The following OPCML variants were observed in gnomAD, a reference collection of about 807,000 sequenced individuals.
OPCML encodes opioid-binding protein/cell adhesion molecule.
A neutral mutation model predicts 37.8 loss-of-function variants in OPCML; 13 were observed. That is an observed-to-expected ratio of 0.34 (90% CI 0.22 to 0.55). The LOEUF (loss-of-function observed/expected upper bound fraction) is 0.55, where lower values mean the gene tolerates loss of function less well. Among genes scored for constraint, OPCML ranks in the 20% least tolerant of loss-of-function variants. OPCML has a pLI of 0.91. For synonymous variants in OPCML, 176 were observed against 168.8 expected (o/e 1.04, Z -0.33); for missense variants, 341 against 435.6 (o/e 0.78, Z 1.93).
chr11:132,928,821 C>G (rs918710334), intron 2 of OPCML, among the ~76,000 whole-genome samples: 2 of 151,730 alleles, frequency 1.3e-5, no homozygotes, highest in African/African-American at 4.8e-5. Flanking sequence ...ATAAGGAAAA[C>G]TGGAAAATCT....
At chr11:132,907,368 C>A (rs1944279418) in intron 2 of OPCML, among the ~76,000 whole-genome samples, 2 of 152,160 alleles carry the variant, frequency 1.3e-5, no homozygotes, top group African/African-American at 4.8e-5. Context: ...GAAATTGGCT[C>A]ATGCCTGTAA....
intron 1 of OPCML, among the ~76,000 whole-genome samples, chr11:133,348,841 C>T (rs990259976): frequency 3.9e-5 from 6 of 152,126 alleles, no homozygotes; most frequent in African/African-American, 1.4e-4. Flanking sequence ...AAGCCCCTAC[C>T]ATGAGCAGTA....
chr11:132,504,799 T>C (rs1447630310), intron 4 of OPCML, among the ~76,000 whole-genome samples: 3 of 152,080 alleles, frequency 2.0e-5, no homozygotes, highest in Non-Finnish European at 2.9e-5. Flanking sequence ...CTGTATGCTA[T>C]GGTCATGCAG....
chr11:132,672,084 G>T (rs1255685352), intron 2 of OPCML, among the ~76,000 whole-genome samples: 1 of 152,004 alleles, frequency 6.6e-6, no homozygotes, highest in East Asian at 1.9e-4. Flanking sequence ...CTTATAACTT[G>T]ACCTCACATT....
At chr11:132,646,883 T>G (rs895572765) in intron 3 of OPCML, among the ~76,000 whole-genome samples, 1 of 152,032 alleles carries the variant, frequency 6.6e-6, no homozygotes, top group African/African-American at 2.4e-5. Flanking sequence ...AAACTGGAAA[T>G]TTAGATTTAG....
chr11:132,596,106 A>G (rs2096492032), intron 3 of OPCML, among the ~76,000 whole-genome samples: 1 of 152,212 alleles, frequency 6.6e-6, no homozygotes, highest in East Asian at 1.9e-4. Flanking sequence ...GGATTTTCAC[A>G]TACATGACAT....
At chr11:132,838,732 A>G (rs532147533) in intron 2 of OPCML, among the ~76,000 whole-genome samples, 3 of 152,314 alleles carry the variant, frequency 2.0e-5, no homozygotes, top group South Asian at 2.1e-4. Context: ...AAAGAGCTGA[A>G]CACCACAGAA....
chr11:132,904,059 A>C (rs566798672), intron 2 of OPCML, among the ~76,000 whole-genome samples: 19 of 152,346 alleles, frequency 1.2e-4, no homozygotes, highest in African/African-American at 4.6e-4. Flanking sequence ...GTGAGTCTTG[A>C]AAGTTTTGCC....
At position 133,208,990 on chromosome 11, in the gene OPCML, A is replaced by G. The variant is rs525999; in HGVS notation, c.62-265980T>C. Among the ~76,000 whole-genome samples the G allele has an allele frequency of 0.86, 131,277 of 152,146 alleles. 56,831 individuals carry two copies. The highest frequency in any genetic ancestry group is 0.92 in the African/African-American group (38,028 of 41,522). On this transcript the variant is annotated intron_variant, in intron 1 of 7. Transcript: ENST00000524381. The surrounding 1 kb of genome is among the most constrained non-coding windows in gnomAD (Gnocchi z 8.9). Reference sequence around the variant, plus strand: ...AAAATTACCTGAAATGCTGTCCTACATTCTCTTCACATGACCAATTCCTAT... The same window carrying G: ...AAAATTACCTGAAATGCTGTCCTACGTTCTCTTCACATGACCAATTCCTAT...
intron 4 of OPCML, among the ~76,000 whole-genome samples, chr11:132,447,408 C>G (rs1390386600): frequency 1.3e-5 from 2 of 152,192 alleles, no homozygotes; most frequent in South Asian, 2.1e-4. Flanking sequence ...AAGCAATTCT[C>G]CTGCCTCAGC....
At chr11:132,813,248 G>T (rs1220164098) in intron 2 of OPCML, among the ~76,000 whole-genome samples, 1 of 152,062 alleles carries the variant, frequency 6.6e-6, no homozygotes, top group Non-Finnish European at 1.5e-5. Context: ...CTCTTTTAAA[G>T]AACTCATATA....
At chr11:133,428,121 C>T (rs1161625025) in intron 1 of OPCML, among the ~76,000 whole-genome samples, 2 of 152,066 alleles carry the variant, frequency 1.3e-5, no homozygotes, top group East Asian at 1.9e-4. Flanking sequence ...CCACTGCAAC[C>T]GTTTATTTAG....
intron 1 of OPCML, among the ~76,000 whole-genome samples, chr11:133,328,475 T>A (rs977043008): frequency 6.6e-6 from 1 of 152,112 alleles, no homozygotes. Context: ...TTAATTGATA[T>A]AATCAGAGTA....
intron 1 of OPCML, among the ~76,000 whole-genome samples, chr11:133,217,920 C>T (rs1015978957): frequency 1.3e-5 from 2 of 151,930 alleles, no homozygotes; most frequent in Non-Finnish European, 2.9e-5. Flanking sequence ...GTGGTGCATG[C>T]CTGTGGTCCC....
chr11:132,666,191 C>T (rs1416228986), intron 2 of OPCML, among the ~76,000 whole-genome samples: 2 of 152,154 alleles, frequency 1.3e-5, no homozygotes, highest in Non-Finnish European at 2.9e-5. Context: ...TTACGTGGCT[C>T]ACGGCTCTGC....
At chr11:132,658,953 T>TA (rs890497146) in intron 2 of OPCML, among the ~76,000 whole-genome samples, 1 of 152,192 alleles carries the variant, frequency 6.6e-6, no homozygotes, top group African/African-American at 2.4e-5. Context: ...TATTTTTTTT[T>TA]ATTTGACCAC....
intron 2 of OPCML, among the ~76,000 whole-genome samples, chr11:132,802,502 C>A (rs1938719578): frequency 6.6e-6 from 1 of 152,174 alleles, no homozygotes; most frequent in African/African-American, 2.4e-5. Flanking sequence ...TTAAAGATTT[C>A]TTAGAAACAA....
At chr11:132,865,732 A>G (rs1942515049) in intron 2 of OPCML, among the ~76,000 whole-genome samples, 1 of 152,242 alleles carries the variant, frequency 6.6e-6, no homozygotes, top group Non-Finnish European at 1.5e-5. Flanking sequence ...GCCTGCTGTC[A>G]TGACGATGCA....
chr11:133,267,198 G>A (rs953819269), intron 1 of OPCML, among the ~76,000 whole-genome samples: 15 of 152,256 alleles, frequency 9.9e-5, no homozygotes, highest in Middle Eastern at 3.4e-3. Flanking sequence ...CAATTTACTC[G>A]CAGTTTGATT....
Sources: allele counts gnomAD v4.1 joint callset (sites outside exome capture counted in the v4.1 genomes callset), GRCh38; gene constraint gnomAD v4.1.1; non-coding constraint Gnocchi (gnomAD v3.1); transcripts MANE v1.5; gene names NCBI Gene and HGNC (gene_info 2026-07-23, HGNC 2026-07-21).